The following NBAS variants were observed in gnomAD, a reference collection of about 807,000 sequenced individuals.
NBAS encodes NAG/BC035112 fusion.
A neutral mutation model predicts 302.5 loss-of-function variants in NBAS; 219 were observed. That is an observed-to-expected ratio of 0.72 (90% CI 0.65 to 0.81). NBAS has a LOEUF of 0.81. NBAS is among the 30% of genes least tolerant of loss of function. The pLI is 0.00. For missense variants in NBAS, 2,932 were observed against 2,841.6 expected, an observed-to-expected ratio of 1.03 and a Z score of -0.72; for synonymous variants, 1,118 against 1,021.6, an observed-to-expected ratio of 1.09 and a Z score of -1.80.
chr2:15,423,716 G>C (rs1572827431), intron 23 of NBAS, among the ~76,000 whole-genome samples: 1 of 152,124 alleles, frequency 6.6e-6, no homozygotes, highest in African/African-American at 2.4e-5. Context: ...GGAAAACCAA[G>C]GTACAGAAAA....
chr2:15,537,570 G>A (rs889380153), intron 7 of NBAS, among the ~76,000 whole-genome samples: 1 of 152,108 alleles, frequency 6.6e-6, no homozygotes, highest in Admixed American at 6.5e-5. Flanking sequence ...TTGAAGTCAG[G>A]AGTCCAAGAC....
In NBAS at chr2:15,379,664, A is replaced by G; in HGVS notation, c.3528T>C (p.Ala1176=). The G allele has an allele frequency of 6.2e-7, 1 of 1,613,996 alleles. No homozygotes were observed. Among genetic ancestry groups the G allele is most frequent in the African/African-American group, 1.3e-5 (1 of 75,002 alleles). The part of the protein sequence containing the change: ...SYEKSIDLVL[A]ASREYFNSST... Reference sequence around the variant, plus strand: ...AAGAATTGAAGTACTCTCTGCTGGCAGCCAAAACCAAGTCAATACTCTTTT... The same window carrying G: ...AAGAATTGAAGTACTCTCTGCTGGCGGCCAAAACCAAGTCAATACTCTTTT... Residue 1176 remains alanine (A), a synonymous_variant, in exon 30 of 52, where the codon GCT becomes GCC. Coordinates refer to ENST00000281513, the MANE Select transcript of NBAS (RefSeq NM_015909.4).
At chr2:15,161,942 G>A (rs545978872), downstream of NBAS, among the ~76,000 whole-genome samples, 93 of 152,220 alleles carry the variant, frequency 6.1e-4, no homozygotes, top group African/African-American at 1.9e-3. Context: ...ACCACACTAC[G>A]TGCAGATGGT....
At chr2:14,988,797 C>T in the NBAS span, among the ~76,000 whole-genome samples, 1 of 152,098 alleles carries the variant, frequency 6.6e-6, no homozygotes, top group Non-Finnish European at 1.5e-5. Flanking sequence ...TGACAATTTC[C>T]ATGACATTGC....
At chr2:15,159,791 A>ACACACACGCGTG in the NBAS span, among the ~76,000 whole-genome samples, 1 of 136,130 alleles carries the variant, frequency 7.3e-6, no homozygotes, top group Admixed American at 7.6e-5. Context: ...AGTCATACAC[A>ACACACACGCGTG]CACACACGCG....
At chr2:14,840,497 C>G in the NBAS span, among the ~76,000 whole-genome samples, 1 of 151,940 alleles carries the variant, frequency 6.6e-6, no homozygotes, top group Non-Finnish European at 1.5e-5. Flanking sequence ...TTTCTGAGAT[C>G]AAGAACAAAG....
chr2:15,019,837 A>G, the NBAS span, among the ~76,000 whole-genome samples: 35 of 152,018 alleles, frequency 2.3e-4, no homozygotes, highest in African/African-American at 8.0e-4. Context: ...ACCCAGAAGC[A>G]GACACTCAAC....
intron 38 of NBAS, among the ~76,000 whole-genome samples, chr2:15,318,993 TG>T (rs1282137227): frequency 6.6e-6 from 1 of 152,150 alleles, no homozygotes; most frequent in Non-Finnish European, 1.5e-5. Flanking sequence ...ACCACATAAT[TG>T]GAAGTAAAAC....
chr2:15,364,931 A>T (rs1674124840), intron 32 of NBAS, among the ~76,000 whole-genome samples: 1 of 152,216 alleles, frequency 6.6e-6, no homozygotes, highest in Admixed American at 6.5e-5. Context: ...TTCGTAAAGC[A>T]GTAACAGATA....
At chr2:14,794,442 CTT>C in the NBAS span, among the ~76,000 whole-genome samples, 63 of 152,082 alleles carry the variant, frequency 4.1e-4, no homozygotes, top group Non-Finnish European at 7.2e-4. Context: ...TCCTAAAAAA[CTT>C]TTAGCATTTT....
intron 1 of NBAS, 148 bp from the exon 2 acceptor site, chr2:15,558,782 T>C: frequency 1.4e-6 from 1 of 694,590 alleles, no homozygotes; most frequent in Non-Finnish European, 2.6e-6. Flanking sequence ...ACTTAAAGAC[T>C]GGATGTTCAG....
At position 15,493,174 on chromosome 2, in the gene NBAS, C is replaced by T. The variant is rs531144564; in HGVS notation, c.955-4152G>A. On this transcript the variant is annotated intron_variant, in intron 11 of 51. Transcript: ENST00000281513. ...CCTGCTTTGTTTCCCCTTCATCTTC[C>T]GCCATGATTGTAAATTTCCTGAGGC... is the stretch of plus-strand genomic sequence containing the variant. Among the ~76,000 whole-genome samples the T allele has an allele frequency of 1.9e-4, 29 of 152,266 alleles. No individual in the cohort carries two copies. The South Asian group carries it at 4.6e-3, about 24-fold the overall frequency.
the NBAS span, among the ~76,000 whole-genome samples, chr2:14,866,555 G>C: frequency 6.6e-6 from 1 of 152,040 alleles, no homozygotes; most frequent in Non-Finnish European, 1.5e-5. Context: ...AGAACGCTAA[G>C]TGACTTGCTA....
the NBAS span, among the ~76,000 whole-genome samples, chr2:14,848,640 A>G: frequency 7.2e-6 from 1 of 139,462 alleles, no homozygotes; most frequent in East Asian, 1.9e-4. Context: ...AGACAAACAA[A>G]AAGATAGCAG....
the NBAS span, among the ~76,000 whole-genome samples, chr2:15,070,554 G>A: frequency 3.9e-5 from 6 of 151,986 alleles, no homozygotes; most frequent in Admixed American, 6.6e-5. Context: ...CCTTGGTCTC[G>A]GCCAGGCCAA....
chr2:14,845,625 T>C, the NBAS span, among the ~76,000 whole-genome samples: 1 of 152,152 alleles, frequency 6.6e-6, no homozygotes, highest in African/African-American at 2.4e-5. Context: ...AAATTTAAAA[T>C]AGCTGTGTTA....
chr2:14,880,557 G>A, the NBAS span, among the ~76,000 whole-genome samples: 1 of 151,786 alleles, frequency 6.6e-6, no homozygotes, highest in Non-Finnish European at 1.5e-5. Context: ...AGAAATTAAA[G>A]CTACATTATA....
chr2:15,365,591 C>T (rs539449411), intron 32 of NBAS, among the ~76,000 whole-genome samples: 2 of 152,254 alleles, frequency 1.3e-5, no homozygotes, highest in South Asian at 2.1e-4. Context: ...TGTCTCACAA[C>T]GGATGACTGG....
At chr2:15,073,350 G>GC in the NBAS span, among the ~76,000 whole-genome samples, 2,153 of 151,956 alleles carry the variant, frequency 0.014, 41 homozygotes, top group African/African-American at 0.048. Flanking sequence ...GTGGTGGCAG[G>GC]TGCCTGTAAT....
Sources: allele counts gnomAD v4.1 joint callset (sites outside exome capture counted in the v4.1 genomes callset), GRCh38; gene constraint gnomAD v4.1.1; transcripts MANE v1.5; gene names NCBI Gene and HGNC (gene_info 2026-07-23, HGNC 2026-07-21).